The following DDC variants were observed in gnomAD, a reference collection of about 807,000 sequenced individuals.
DDC encodes the protein aromatic-L-amino-acid decarboxylase.
In DDC, 43 loss-of-function variants were observed where a neutral mutation model predicts 60.0. The ratio of observed to expected loss-of-function variants is 0.72; its 90% CI spans 0.56 to 0.92. The LOEUF is 0.92. Among genes scored for constraint, DDC ranks in the 40% least tolerant of loss-of-function variants. The pLI, the probability that DDC is intolerant of heterozygous loss-of-function variation, is 0.00. For missense variants in DDC, 573 were observed against 620.2 expected, an observed-to-expected ratio of 0.92 and a Z score of 0.81; for synonymous variants, 232 against 234.6, an observed-to-expected ratio of 0.99 and a Z score of 0.10.
chr7:50,488,993 T>G (rs2042943438), intron 9 of DDC, among the ~76,000 whole-genome samples: 1 of 150,518 alleles, frequency 6.6e-6, no homozygotes, highest in South Asian at 2.1e-4. Flanking sequence ...CTGAATGGTT[T>G]TCTTTGTTTG....
In DDC at chr7:50,565,287, G is replaced by C. The variant is rs1449600191; in HGVS notation, c.-31C>G. On this transcript the variant is annotated splice_region_variant and 5_prime_UTR_variant, in exon 1 of 15. Transcript: ENST00000444124. ...TAGGTATAAAATCAGAGACTTACAT[G>C]CTGGAAATTCGAATTCCTTACAGGG... The C allele has an allele frequency of 1.3e-5, 2 of 152,204 alleles. No individual in the cohort carries two copies. Among genetic ancestry groups the C allele is most frequent in the Non-Finnish European group, 1.5e-5 (1 of 68,032 alleles). The allele number at this position is 152,204 out of a possible 1,614,324, so 9.4% of individuals were successfully genotyped here. A position where few individuals can be genotyped will look rare whatever the true frequency, so the allele number is the denominator to read the frequency against.
Position 50,474,621 on chromosome 7 carries a change from G to T in DDC, c.1041+2003C>A, listed in dbSNP as rs79271341. 7.5e-3 allele frequency among the ~76,000 whole-genome samples: 1,146 copies of T among 152,320 alleles called. 15 individuals carry two copies. Among genetic ancestry groups the T allele is most frequent in the African/African-American group, 0.026 (1,095 of 41,560 alleles). On this transcript the variant is annotated intron_variant, in intron 11 of 14. Transcript: ENST00000444124. ...TGCTAGATGCGGGCAGAGCTGGGCTGGTTTTTGTCTTGGGCAATGTAACAT... is the reference window on the plus strand; with the variant it reads ...TGCTAGATGCGGGCAGAGCTGGGCTTGTTTTTGTCTTGGGCAATGTAACAT...
intron 14 of DDC, among the ~76,000 whole-genome samples, chr7:50,460,337 G>T (rs1187120727): frequency 7.5e-6 from 1 of 133,250 alleles, no homozygotes; most frequent in African/African-American, 3.0e-5. Context: ...TGCCCGGCCA[G>T]CCGCCCCGTC....
At chr7:50,525,955 A>T (rs776591875) in intron 6 of DDC, among the ~76,000 whole-genome samples, 4 of 151,974 alleles carry the variant, frequency 2.6e-5, no homozygotes, top group Non-Finnish European at 5.9e-5. Flanking sequence ...GGCAGTCTGC[A>T]GAAAGATTTA....
intron 14 of DDC, among the ~76,000 whole-genome samples, chr7:50,460,057 G>A (rs1176054697): frequency 1.5e-4 from 20 of 135,078 alleles, no homozygotes; most frequent in Admixed American, 1.4e-3. Flanking sequence ...GGAAGGAGGT[G>A]GGGGGGGTCA....
intron 4 of DDC, among the ~76,000 whole-genome samples, chr7:50,535,768 T>C (rs76579648): frequency 3.7e-4 from 57 of 152,310 alleles, no homozygotes; most frequent in African/African-American, 1.4e-3. Context: ...CAGGTCTTGG[T>C]CCCCAGAATC....
At chr7:50,504,530 A>G (rs1043084055) in intron 6 of DDC, among the ~76,000 whole-genome samples, 8 of 150,856 alleles carry the variant, frequency 5.3e-5, no homozygotes, top group African/African-American at 1.9e-4. Flanking sequence ...TAATTTAATT[A>G]TAATCTAATT....
At position 50,510,703 on chromosome 7, in the gene DDC, A is replaced by C. The variant is rs532689494; in HGVS notation, c.715-6644T>G. Among the ~76,000 whole-genome samples the C allele has an allele frequency of 1.6e-3, 237 of 147,970 alleles. 1 individual carries two copies. The highest frequency in any genetic ancestry group is 2.7e-3 in the Non-Finnish European group (183 of 67,136). On this transcript the variant is annotated intron_variant, in intron 6 of 14. Coordinates refer to ENST00000444124, the MANE Select transcript of DDC (RefSeq NM_001082971.2). ...AAAAAAAAAATGTAAGTAAGATGGC[A>C]GGGCACGGTGGCTCACGCCTGTAAT... is the stretch of plus-strand genomic sequence containing the variant.
chr7:50,551,720 G>A (rs2153552740), intron 1 of DDC, among the ~76,000 whole-genome samples: 1 of 152,080 alleles, frequency 6.6e-6, no homozygotes, highest in Non-Finnish European at 1.5e-5. Context: ...TGTTTTGCAG[G>A]CATTTTCCTC....
intron 1 of DDC, among the ~76,000 whole-genome samples, chr7:50,557,798 G>A (rs1048743354): frequency 1.3e-5 from 2 of 152,152 alleles, no homozygotes; most frequent in African/African-American, 4.8e-5. Context: ...CATGTGAGTT[G>A]TACAGTTCTT....
At chr7:50,516,439 G>A (rs1235245667) in intron 6 of DDC, among the ~76,000 whole-genome samples, 2 of 151,976 alleles carry the variant, frequency 1.3e-5, no homozygotes, top group African/African-American at 2.4e-5. Flanking sequence ...ATGCTAAGAG[G>A]AAAATTTATA....
intron 2 of DDC, chr7:50,541,474 C>G (rs115171008): frequency 2.0e-5 from 3 of 152,222 alleles, no homozygotes; most frequent in Non-Finnish European, 2.9e-5. Context: ...TAAGGGACAG[C>G]GTCTTTGGGA....
At chr7:50,563,696 C>T (rs1037716571) in intron 1 of DDC, among the ~76,000 whole-genome samples, 6 of 152,112 alleles carry the variant, frequency 3.9e-5, no homozygotes, top group South Asian at 4.1e-4. Flanking sequence ...CCGCCTCCCA[C>T]GCTCAAGTGA....
chr7:50,550,338 T>A (rs559946302), intron 1 of DDC, among the ~76,000 whole-genome samples: 17 of 152,338 alleles, frequency 1.1e-4, no homozygotes, highest in South Asian at 1.0e-3. Flanking sequence ...ATATATAATG[T>A]TATTGCACAC....
At chr7:50,519,153 AC>A (rs2043819285) in intron 6 of DDC, among the ~76,000 whole-genome samples, 5 of 152,224 alleles carry the variant, frequency 3.3e-5, no homozygotes, top group African/African-American at 1.2e-4. Flanking sequence ...GCTCAACATC[AC>A]TAATAATCAG....
chr7:50,543,508 G>A, intron 2 of DDC: 1 of 347,584 alleles, frequency 2.9e-6, no homozygotes, highest in South Asian at 2.4e-5. Flanking sequence ...GTGGAAGTGT[G>A]CTTTATTTGG....
intron 13 of DDC, among the ~76,000 whole-genome samples, chr7:50,466,512 A>C (rs995667832): frequency 5.3e-5 from 8 of 150,560 alleles, no homozygotes; most frequent in Non-Finnish European, 8.8e-5. Flanking sequence ...AAAAAAAAAA[A>C]AAAAACCTTA....
chr7:50,466,456 G>T (rs11575529), intron 13 of DDC, among the ~76,000 whole-genome samples: 5 of 140,574 alleles, frequency 3.6e-5, no homozygotes, highest in African/African-American at 1.3e-4. Context: ...CTGCACTCCA[G>T]CCTGGGCAAC....
rs117683133 is a variant in DDC, at chr7:50,485,021, G to A, written c.945-5158C>T. On this transcript the variant is annotated intron_variant, in intron 9 of 14. Transcript: ENST00000444124. Reference sequence around the variant, plus strand: ...ACAAGTTCTAGAATCAAGTCTCAACGATTACTAGAATGATTAAAACTGTTT... The same window carrying A: ...ACAAGTTCTAGAATCAAGTCTCAACAATTACTAGAATGATTAAAACTGTTT... Among the ~76,000 whole-genome samples, 811 of 152,196 alleles carry A rather than the reference G, an allele frequency of 5.3e-3. 5 individuals are homozygous for A. The highest frequency in any genetic ancestry group is 9.1e-3 in the Non-Finnish European group (622 of 68,010).
Sources: gnomAD v4.1 joint callset for allele counts (sites outside exome capture counted in the v4.1 genomes callset) on GRCh38, gnomAD v4.1.1 for gene constraint, MANE v1.5 for transcripts, NCBI Gene and HGNC (gene_info 2026-07-23, HGNC 2026-07-21) for gene names.